The following COL11A1 variants were observed in gnomAD, a reference collection of about 807,000 sequenced individuals.
COL11A1 encodes the protein collagen alpha-1(XI) chain.
A neutral mutation model predicts 265.2 loss-of-function variants in COL11A1; 74 were observed. That is an observed-to-expected ratio of 0.28 (90% CI 0.23 to 0.34). COL11A1 has a LOEUF of 0.34. Ranked by LOEUF, COL11A1 falls within the 10% of genes least tolerant of loss-of-function variation. The pLI is 1.00. For synonymous variants in COL11A1, 816 were observed against 727.6 expected (o/e 1.12, Z -1.96); for missense variants, 2,165 against 2,263.6 (o/e 0.96, Z 0.88).
At chr1:103,089,675 G>T (rs1673161211) in intron 1 of COL11A1, among the ~76,000 whole-genome samples, 1 of 152,168 alleles carries the variant, frequency 6.6e-6, no homozygotes, top group Non-Finnish European at 1.5e-5. Flanking sequence ...AATGTTTAAT[G>T]GATGAATAAA....
At position 102,989,696 on chromosome 1, in the gene COL11A1, GTTGTGAAAC is replaced by G. The variant is rs1465179685; in HGVS notation, c.2341-134_2341-126del. On this transcript the variant is annotated intron_variant, in intron 28 of 66. Transcript: ENST00000370096. ...TTATTTTTGAGAAATGTGCATGGTA[GTTGTGAAAC>G]TTCCTCCTCCCTTTTCCAACTCCAG... 3 of 536,028 alleles carry G rather than the reference GTTGTGAAAC, an allele frequency of 5.6e-6. No individual in the cohort carries two copies. The African/African-American group carries it at 5.8e-5, about 10-fold the overall frequency. 33.2% of individuals were successfully genotyped at this position (536,028 alleles called of 1,614,324 possible).
intron 24 of COL11A1, among the ~76,000 whole-genome samples, chr1:103,000,385 G>T (rs2101818739): frequency 6.6e-6 from 1 of 151,882 alleles, no homozygotes; most frequent in Non-Finnish European, 1.5e-5. Context: ...ACTTAAATCT[G>T]ATATGTCTGC....
intron 44 of COL11A1, among the ~76,000 whole-genome samples, chr1:102,935,393 C>T (rs1456976395): frequency 6.6e-6 from 1 of 152,162 alleles, no homozygotes; most frequent in East Asian, 1.9e-4. Context: ...TGCTATCAGA[C>T]ATCAAGTTGT....
rs541328098 is a variant in COL11A1, at chr1:102,977,563, TGAGA to T, written c.2754+1141_2754+1144del. On this transcript the variant is annotated intron_variant, in intron 35 of 66. Transcript: ENST00000370096. The stretch of plus-strand genomic sequence containing the variant: ...ATTTTGGAAGACAAAACCAAATGCA[TGAGA>T]GAATCAGTGGTGCTCTAAAAACAAA... Among the ~76,000 whole-genome samples the T allele has an allele frequency of 6.3e-3, 952 of 152,282 alleles. 4 individuals are homozygous for T. The highest frequency in any genetic ancestry group is 8.1e-3 in the Non-Finnish European group (553 of 67,982).
At position 102,978,705 on chromosome 1, in the gene COL11A1, T is replaced by C; in HGVS notation, c.2754+3A>G. ...TTATATTATGTGGCTGTATCATACG[T>C]ACTCTTTCACCTGGAGGGCCAGGAG... On this transcript the variant is annotated splice_donor_region_variant and intron_variant, in intron 35 of 66. Transcript: ENST00000370096. 6 of 1,613,976 alleles carry C rather than the reference T, an allele frequency of 3.7e-6. No individual in the cohort carries two copies. Among genetic ancestry groups the C allele is most frequent in the Non-Finnish European group, 5.1e-6 (6 of 1,179,804 alleles).
At chr1:102,930,352 T>C (rs1210155720) in intron 46 of COL11A1, among the ~76,000 whole-genome samples, 6 of 151,896 alleles carry the variant, frequency 4.0e-5, no homozygotes, top group Non-Finnish European at 8.8e-5. Context: ...GAGATAATCA[T>C]GTGGTTTTTG....
At chr1:102,913,576 T>C (rs1200327507) in intron 53 of COL11A1, 61 bp downstream of exon 53, 2 of 1,426,364 alleles carry the variant, frequency 1.4e-6, no homozygotes, top group South Asian at 1.1e-5. Flanking sequence ...CTTCTAATTA[T>C]CTCATTAAAA....
At chr1:102,981,180 C>G (rs1365455827) in intron 31 of COL11A1, among the ~76,000 whole-genome samples, 2 of 152,074 alleles carry the variant, frequency 1.3e-5, no homozygotes, top group Admixed American at 6.6e-5. Context: ...CATGCCTATA[C>G]AGCTAACTTG....
intron 46 of COL11A1, among the ~76,000 whole-genome samples, chr1:102,926,677 T>C (rs1656631786): frequency 6.6e-6 from 1 of 152,162 alleles, no homozygotes; most frequent in Non-Finnish European, 1.5e-5. Flanking sequence ...AAAATGAAGA[T>C]GATGTTTATT....
At chr1:103,094,896 T>C (rs1035973329) in intron 1 of COL11A1, among the ~76,000 whole-genome samples, 8 of 152,192 alleles carry the variant, frequency 5.3e-5, no homozygotes, top group African/African-American at 1.7e-4. Context: ...CTTACTCTTA[T>C]GTTGGTCAAA....
At chr1:103,012,362 A>T (rs770637341) in intron 14 of COL11A1, 51 bp downstream of exon 14, 2 of 1,382,186 alleles carry the variant, frequency 1.4e-6, no homozygotes, top group African/African-American at 2.9e-5. Context: ...TGCACAGGGA[A>T]CTGCTAATTT....
intron 41 of COL11A1, among the ~76,000 whole-genome samples, chr1:102,953,859 A>G (rs1239469942): frequency 6.6e-6 from 1 of 152,172 alleles, no homozygotes; most frequent in Non-Finnish European, 1.5e-5. Context: ...TGTAAGAAGG[A>G]TAGATATTTT....
At chr1:102,997,187 A>T in intron 25 of COL11A1, 63 bp from the exon 26 acceptor site, 2 of 1,355,368 alleles carry the variant, frequency 1.5e-6, no homozygotes, top group Non-Finnish European at 2.1e-6. Flanking sequence ...AATACTACGA[A>T]AGTATTTCTT....
intron 11 of COL11A1, among the ~76,000 whole-genome samples, chr1:103,016,147 T>C (rs1666548329): frequency 6.6e-6 from 1 of 152,072 alleles, no homozygotes; most frequent in Non-Finnish European, 1.5e-5. Flanking sequence ...GTTTAAGGTA[T>C]ATTTTAGTAT....
In COL11A1 at chr1:103,030,929, T is replaced by C. The variant is rs572284845; in HGVS notation, c.780+187A>G. 5 of 679,326 alleles carry C rather than the reference T, an allele frequency of 7.4e-6. No individual in the cohort carries two copies. The East Asian group carries it at 1.5e-4, about 21-fold the overall frequency. 42.1% of individuals were successfully genotyped at this position (679,326 alleles called of 1,614,324 possible). On this transcript the variant is annotated intron_variant, in intron 5 of 66. Transcript: ENST00000370096. The stretch of plus-strand genomic sequence containing the variant: ...TTGCTAATAAATTTATGTAATCAAA[T>C]GCTTAAACAGCAAGAAAACAAGTAC...
At chr1:103,026,155 A>C in intron 6 of COL11A1, 61 bp downstream of exon 6, 1 of 1,286,776 alleles carries the variant, frequency 7.8e-7, no homozygotes, top group Non-Finnish European at 1.1e-6. Flanking sequence ...CAGTCAACAT[A>C]AGGAACCACA....
chr1:102,961,653 C>T, intron 41 of COL11A1: 1 of 524,834 alleles, frequency 1.9e-6, no homozygotes, highest in Non-Finnish European at 3.5e-6. Context: ...TACCTCCTGA[C>T]AGCAGCAGAA....
rs138446065 is a variant in COL11A1, at chr1:103,065,522, C to CAAAAAAA, written c.651+9089_651+9095dup. Among the ~76,000 whole-genome samples, 47 of 35,344 alleles carry CAAAAAAA rather than the reference C, an allele frequency of 1.3e-3. 2 individuals carry two copies. The highest frequency in any genetic ancestry group is 2.3e-3 in the East Asian group (2 of 868). 23.2% of individuals were successfully genotyped at this position (35,344 alleles called of 152,430 possible). A position where few individuals can be genotyped will look rare whatever the true frequency, so the allele number is the denominator to read the frequency against. On this transcript the variant is annotated intron_variant, in intron 4 of 66. Transcript: ENST00000370096. The stretch of plus-strand genomic sequence containing the variant: ...GCGACAGAAGAGCGAGACTCCGTCT[C>CAAAAAAA]AAAAAAAAAAAAAAAAAAAAAAAAA...
At chr1:102,881,307 T>C (rs982386736) in intron 65 of COL11A1, among the ~76,000 whole-genome samples, 6 of 152,032 alleles carry the variant, frequency 3.9e-5, no homozygotes, top group African/African-American at 1.4e-4. Context: ...AACTTATTGA[T>C]ATGAAGAATA....
Sources: gnomAD v4.1 joint callset for allele counts (sites outside exome capture counted in the v4.1 genomes callset) on GRCh38, gnomAD v4.1.1 for gene constraint, MANE v1.5 for transcripts, NCBI Gene and HGNC (gene_info 2026-07-23, HGNC 2026-07-21) for gene names.